Variants in MAST4 observed in about 807,000 individuals in gnomAD.
MAST4 encodes microtubule-associated serine/threonine-protein kinase 4.
Under a neutral mutation model 162.7 loss-of-function variants are expected in MAST4, and 89 were observed. That is an observed-to-expected ratio of 0.55 (90% CI 0.46 to 0.65). The LOEUF is 0.65. MAST4 is among the 30% of genes least tolerant of loss of function. The pLI is 0.00. For synonymous variants in MAST4, 1,479 were observed against 1,361.1 expected (o/e 1.09, Z -1.91); for missense variants, 3,153 against 3,374.0 (o/e 0.93, Z 1.62).
intron 3 of MAST4, among the ~76,000 whole-genome samples, chr5:66,894,042 A>G (rs140781674): frequency 6.4e-4 from 98 of 152,336 alleles, no homozygotes; most frequent in African/African-American, 2.1e-3. Context: ...TGAGAACTCC[A>G]TTTTGAGTAC....
chr5:67,151,693 C>T (rs1771828645), intron 24 of MAST4, among the ~76,000 whole-genome samples: 1 of 149,886 alleles, frequency 6.7e-6, no homozygotes, highest in Admixed American at 6.6e-5. Flanking sequence ...TAATGTTATT[C>T]ATTTATAGAG....
At chr5:66,879,461 A>G (rs938777437) in intron 3 of MAST4, among the ~76,000 whole-genome samples, 1 of 152,032 alleles carries the variant, frequency 6.6e-6, no homozygotes, top group Non-Finnish European at 1.5e-5. Context: ...ATCTAAAACT[A>G]AAAGTATTTT....
At chr5:66,633,426 A>T (rs1413504553) in intron 1 of MAST4, among the ~76,000 whole-genome samples, 2 of 152,288 alleles carry the variant, frequency 1.3e-5, no homozygotes, top group South Asian at 2.1e-4. Context: ...ACATGCAGTG[A>T]TCTAACCAGA....
chr5:66,998,364 AT>A (rs908581030), intron 4 of MAST4, among the ~76,000 whole-genome samples: 6 of 152,212 alleles, frequency 3.9e-5, no homozygotes, highest in Non-Finnish European at 8.8e-5. Context: ...ATCAAAAAGA[AT>A]TTAGCACTTC....
intron 3 of MAST4, among the ~76,000 whole-genome samples, chr5:66,866,621 A>T (rs1760540735): frequency 6.6e-6 from 1 of 152,188 alleles, no homozygotes; most frequent in East Asian, 1.9e-4. Context: ...GTTACATTTA[A>T]ATGTAGTGTT....
intron 4 of MAST4, among the ~76,000 whole-genome samples, chr5:67,031,063 A>G (rs1158453703): frequency 6.6e-6 from 1 of 152,148 alleles, no homozygotes; most frequent in Non-Finnish European, 1.5e-5. Flanking sequence ...TCCACATAGG[A>G]TATTTTTTTC....
rs1752066469 is a variant in MAST4, at chr5:66,734,818, T to G, written c.364-24891T>G. On this transcript the variant is annotated intron_variant, in intron 1 of 28. Coordinates refer to ENST00000403625, the MANE Select transcript of MAST4 (RefSeq NM_001164664.2). Reference sequence around the variant, plus strand: ...ACAGTGTTGGAAGCTTGAAAACACATCAATTTGTATTTGTTTTTCTCCTAT... The same window carrying G: ...ACAGTGTTGGAAGCTTGAAAACACAGCAATTTGTATTTGTTTTTCTCCTAT... 3.9e-5 allele frequency among the ~76,000 whole-genome samples: 6 copies of G among 152,218 alleles called. No homozygotes were observed. The South Asian group carries it at 1.2e-3, about 32-fold the overall frequency.
At chr5:66,809,467 C>T (rs1417502861) in intron 3 of MAST4, among the ~76,000 whole-genome samples, 2 of 152,166 alleles carry the variant, frequency 1.3e-5, no homozygotes, top group African/African-American at 4.8e-5. Context: ...ATCCTGTTGT[C>T]GTGTTCCTTC....
intron 1 of MAST4, among the ~76,000 whole-genome samples, chr5:66,688,106 C>T (rs1388925941): frequency 6.6e-6 from 1 of 152,188 alleles, no homozygotes; most frequent in Admixed American, 6.6e-5. Context: ...AGCCCACTCT[C>T]CATCTCTGGT....
At chr5:66,831,997 T>C (rs1467390649) in intron 3 of MAST4, among the ~76,000 whole-genome samples, 1 of 152,208 alleles carries the variant, frequency 6.6e-6, no homozygotes, top group Non-Finnish European at 1.5e-5. Flanking sequence ...TTCTGTTATA[T>C]GTTTCTCTTT....
intron 1 of MAST4, among the ~76,000 whole-genome samples, chr5:66,675,525 T>C (rs1423251169): frequency 1.4e-5 from 2 of 145,004 alleles, no homozygotes; most frequent in Admixed American, 6.6e-5. Flanking sequence ...TCAAGTCTCA[T>C]GTACAAGTCA....
chr5:67,162,864 C>A, intron 28 of MAST4, 76 bp downstream of exon 28: 2 of 1,417,778 alleles, frequency 1.4e-6, no homozygotes, highest in Non-Finnish European at 1.9e-6. Flanking sequence ...AAACATGAAG[C>A]TTGTTCCAGC....
At chr5:66,895,580 T>C (rs2149962315) in intron 3 of MAST4, among the ~76,000 whole-genome samples, 1 of 152,282 alleles carries the variant, frequency 6.6e-6, no homozygotes, top group African/African-American at 2.4e-5. Flanking sequence ...TTGCTTTCTC[T>C]TTCACGCTCC....
chr5:66,872,899 C>T (rs867472688), intron 3 of MAST4, among the ~76,000 whole-genome samples: 2 of 152,186 alleles, frequency 1.3e-5, no homozygotes, highest in African/African-American at 4.8e-5. Context: ...TGTTCCCCCT[C>T]TTTCTTTTGT....
At chr5:67,110,430 CA>C (rs1766101080) in intron 11 of MAST4, among the ~76,000 whole-genome samples, 1 of 152,204 alleles carries the variant, frequency 6.6e-6, no homozygotes, top group African/African-American at 2.4e-5. Context: ...ATATTCTAGT[CA>C]AACTTGAAAT....
chr5:66,992,957 T>C (rs746999817), intron 4 of MAST4, among the ~76,000 whole-genome samples: 2 of 152,168 alleles, frequency 1.3e-5, no homozygotes, highest in Admixed American at 6.5e-5. Context: ...TCCAGCAGGA[T>C]TGAGTTACTA....
chr5:66,822,745 T>G (rs1166202310), intron 3 of MAST4, among the ~76,000 whole-genome samples: 2 of 152,208 alleles, frequency 1.3e-5, no homozygotes, highest in African/African-American at 4.8e-5. Context: ...ATTGACAACT[T>G]ATGATATGCT....
chr5:66,700,352 A>G (rs1271784432), intron 1 of MAST4, among the ~76,000 whole-genome samples: 1 of 151,696 alleles, frequency 6.6e-6, no homozygotes, highest in South Asian at 2.1e-4. Flanking sequence ...TTTTTTTTGT[A>G]TTCAAATTAT....
intron 23 of MAST4, among the ~76,000 whole-genome samples, chr5:67,146,336 C>T (rs1771078108): frequency 6.6e-6 from 1 of 152,344 alleles, no homozygotes; most frequent in South Asian, 2.1e-4. Flanking sequence ...GATATTCAAA[C>T]TTGCAATTAA....
Sources: gnomAD v4.1 joint callset for allele counts (sites outside exome capture counted in the v4.1 genomes callset) on GRCh38, gnomAD v4.1.1 for gene constraint, MANE v1.5 for transcripts, NCBI Gene and HGNC (gene_info 2026-07-23, HGNC 2026-07-21) for gene names.